Variants in KAZN observed in about 807,000 individuals in gnomAD.
KAZN encodes kazrin.
In KAZN, 40 loss-of-function variants were observed where a neutral mutation model predicts 87.4. The observed-to-expected ratio is 0.46, with a 90% CI of 0.36 to 0.60. The LOEUF (loss-of-function observed/expected upper bound fraction) is 0.60. Among genes scored for constraint, KAZN ranks in the 20% least tolerant of loss-of-function variants. The pLI, the probability that KAZN is intolerant of heterozygous loss-of-function variation, is 0.00. For synonymous variants in KAZN, 466 were observed against 458.3 expected, an observed-to-expected ratio of 1.02 and a Z score of -0.22; for missense variants, 898 against 1,073.9, an observed-to-expected ratio of 0.84 and a Z score of 2.29.
At chr1:14,730,103 T>C (rs1484444516) in intron 1 of KAZN, among the ~76,000 whole-genome samples, 1 of 152,128 alleles carries the variant, frequency 6.6e-6, no homozygotes, top group Non-Finnish European at 1.5e-5. Context: ...TTTTTAAATG[T>C]GACAGAGTCT....
At chr1:15,112,566 G>A in intron 14 of KAZN, 25 bp downstream of exon 14, 2 of 801,360 alleles carry the variant, frequency 2.5e-6, no homozygotes, top group South Asian at 3.6e-5. Context: ...GGATTTACCT[G>A]TGAGTCCTGC....
chr1:14,430,418 G>A (rs557568134), intron 2 of KAZN, among the ~76,000 whole-genome samples: 55 of 152,144 alleles, frequency 3.6e-4, no homozygotes, highest in African/African-American at 1.2e-3. Context: ...AAGATTTATC[G>A]AAAGAAATTA....
intron 1 of KAZN, among the ~76,000 whole-genome samples, chr1:13,903,703 G>T (rs961700269): frequency 6.6e-6 from 1 of 152,200 alleles, no homozygotes; most frequent in African/African-American, 2.4e-5. Context: ...AAGGGAAAAA[G>T]GGAGGAGGAT....
At chr1:14,564,739 G>A (rs771998110) in intron 2 of KAZN, among the ~76,000 whole-genome samples, 3 of 152,100 alleles carry the variant, frequency 2.0e-5, no homozygotes, top group Non-Finnish European at 4.4e-5. Context: ...CTTGAACCTG[G>A]GCAGCAGAGA....
In KAZN at chr1:14,798,143, TAC is replaced by T. The variant is rs1470912473; in HGVS notation, c.227-162537_227-162536del. On this transcript the variant is annotated intron_variant, in intron 1 of 14. Coordinates refer to ENST00000376030, the MANE Select transcript of KAZN (RefSeq NM_201628.3). ...CTCTGGGCTCCCTGTTGCTGCCGCT[TAC>T]ACAGTTTTGGGTCACCTGCTCCATG... 1.5e-4 allele frequency among the ~76,000 whole-genome samples: 23 copies of T among 152,114 alleles called. 1 individual carries two copies. Among genetic ancestry groups the T allele is most frequent in the Admixed American group, 1.5e-3 (23 of 15,262 alleles).
intron 1 of KAZN, among the ~76,000 whole-genome samples, chr1:14,882,712 A>T (rs531011265): frequency 3.9e-5 from 6 of 152,302 alleles, no homozygotes; most frequent in Admixed American, 1.3e-4. Flanking sequence ...AATGCTTGCA[A>T]AACTAAAAGC....
chr1:14,328,513 C>T (rs1656602265), intron 2 of KAZN, among the ~76,000 whole-genome samples: 1 of 152,034 alleles, frequency 6.6e-6, no homozygotes, highest in African/African-American at 2.4e-5. Context: ...ACCATCCTGG[C>T]TAACACAGTG....
intron 2 of KAZN, among the ~76,000 whole-genome samples, chr1:14,982,244 G>A (rs1666321281): frequency 6.6e-6 from 1 of 152,064 alleles, no homozygotes; most frequent in Admixed American, 6.6e-5. Context: ...CCACACGCCT[G>A]ACCACTGTAC....
chr1:15,092,771 G>A (rs971089163), intron 8 of KAZN, among the ~76,000 whole-genome samples: 6 of 152,030 alleles, frequency 3.9e-5, no homozygotes, highest in African/African-American at 1.2e-4. Context: ...TACCACGCCC[G>A]GCCTGTTTAG....
chr1:13,928,366 T>C (rs1640365820), intron 1 of KAZN, among the ~76,000 whole-genome samples: 1 of 152,192 alleles, frequency 6.6e-6, no homozygotes. Flanking sequence ...CTCTGAGAAC[T>C]TGTTATATAC....
intron 1 of KAZN, among the ~76,000 whole-genome samples, chr1:14,617,281 T>C (rs533089924): frequency 6.6e-6 from 1 of 152,298 alleles, no homozygotes; most frequent in South Asian, 2.1e-4. Context: ...AATTTTTTGG[T>C]TTCCCAGTGC....
intron 5 of KAZN, among the ~76,000 whole-genome samples, chr1:15,057,679 G>A (rs1638416269): frequency 1.3e-5 from 2 of 152,164 alleles, no homozygotes; most frequent in Admixed American, 6.5e-5. Context: ...ACTGCTCGGG[G>A]CCAGCATCCT....
rs942643382 is a variant in KAZN at position 15,116,373 on chromosome 1, C to T, written c.*1738C>T. The T allele has an allele frequency of 1.3e-4, 20 of 152,192 alleles. No homozygotes were observed. The highest frequency in any genetic ancestry group is 2.4e-4 in the Non-Finnish European group (16 of 68,032). The allele number at this position is 152,192 out of a possible 1,614,324, so 9.4% of individuals were successfully genotyped here. ...CATGCCGAAGACCGTGGTGTTCCCC[C>T]TAATGACATAAACGCAGCCTTTCTT... On this transcript the variant is annotated 3_prime_UTR_variant, in exon 15 of 15. Transcript: ENST00000376030.
intron 1 of KAZN, among the ~76,000 whole-genome samples, chr1:13,947,526 C>G (rs1475678602): frequency 6.6e-6 from 1 of 152,158 alleles, no homozygotes; most frequent in Non-Finnish European, 1.5e-5. Context: ...AGTGACATTG[C>G]TTCCTCATCT....
chr1:15,053,174 G>A (rs892191073), intron 4 of KAZN, among the ~76,000 whole-genome samples: 1 of 152,212 alleles, frequency 6.6e-6, no homozygotes, highest in Non-Finnish European at 1.5e-5. Flanking sequence ...GCAAGGGAGT[G>A]GGGCATCCCC....
chr1:14,993,619 C>A (rs948988351), intron 2 of KAZN, among the ~76,000 whole-genome samples: 1 of 152,208 alleles, frequency 6.6e-6, no homozygotes, highest in African/African-American at 2.4e-5. Context: ...GCCGCCACCC[C>A]CCTGCTGCCT....
At chr1:14,961,168 GACCCAGCAGCCGAGTCT>G (rs1663813675) in intron 2 of KAZN, among the ~76,000 whole-genome samples, 1 of 152,196 alleles carries the variant, frequency 6.6e-6, no homozygotes, top group African/African-American at 2.4e-5. Context: ...CCAGGACGCT[GACCCAGCAGCCGAGTCT>G]CTCTTACCCA....
chr1:14,887,492 A>C (rs1654201671), intron 1 of KAZN, among the ~76,000 whole-genome samples: 1 of 152,214 alleles, frequency 6.6e-6, no homozygotes, highest in South Asian at 2.1e-4. Context: ...AGCCCCAAAC[A>C]AACTTGACAT....
At chr1:14,589,764 C>A (rs1006299759) in intron 2 of KAZN, among the ~76,000 whole-genome samples, 1 of 152,062 alleles carries the variant, frequency 6.6e-6, no homozygotes, top group African/African-American at 2.4e-5. Context: ...ATAATGTTTC[C>A]TCTGTGGCCT....
Sources: gnomAD v4.1 joint callset for allele counts (sites outside exome capture counted in the v4.1 genomes callset) on GRCh38, gnomAD v4.1.1 for gene constraint, MANE v1.5 for transcripts, NCBI Gene and HGNC (gene_info 2026-07-23, HGNC 2026-07-21) for gene names.